Variants in ZNF341 observed in about 807,000 individuals in gnomAD.
ZNF341 encodes the protein zinc finger protein 341.
Under a neutral mutation model 87.7 loss-of-function variants are expected in ZNF341, and 52 were observed. That is an observed-to-expected ratio of 0.59 (90% CI 0.47 to 0.75). The LOEUF (loss-of-function observed/expected upper bound fraction) is 0.75, where lower values mean the gene tolerates loss of function less well. Ranked by LOEUF, ZNF341 falls within the 30% of genes least tolerant of loss-of-function variation. The pLI, the probability that ZNF341 is intolerant of heterozygous loss-of-function variation, is 0.00. For missense variants in ZNF341, 977 were observed against 1,145.9 expected, an observed-to-expected ratio of 0.85 and a Z score of 2.13; for synonymous variants, 459 against 472.7, an observed-to-expected ratio of 0.97 and a Z score of 0.38.
intron 5 of ZNF341, among the ~76,000 whole-genome samples, chr20:33,754,821 G>A (rs758346094): frequency 6.6e-6 from 1 of 152,150 alleles, no homozygotes; most frequent in Non-Finnish European, 1.5e-5. Context: ...CTCAGTCTGC[G>A]CTCCTCTAAA....
At chr20:33,771,625 T>C (rs1464976695) in intron 10 of ZNF341, among the ~76,000 whole-genome samples, 1 of 152,168 alleles carries the variant, frequency 6.6e-6, no homozygotes, top group Non-Finnish European at 1.5e-5. Flanking sequence ...TAATCATTTA[T>C]ATCACTTCAG....
At chr20:33,750,328 C>T (rs2019027040) in intron 4 of ZNF341, among the ~76,000 whole-genome samples, 1 of 152,176 alleles carries the variant, frequency 6.6e-6, no homozygotes, top group Non-Finnish European at 1.5e-5. Context: ...TCTCCCCTTG[C>T]TGTGTCCCTG....
chr20:33,781,081 G>A (rs1330718352), intron 10 of ZNF341, among the ~76,000 whole-genome samples: 2 of 152,140 alleles, frequency 1.3e-5, no homozygotes, highest in South Asian at 2.1e-4. Flanking sequence ...GCAGGGGCAG[G>A]GTGGCCAGCG....
intron 3 of ZNF341, among the ~76,000 whole-genome samples, chr20:33,745,502 G>A (rs2018900274): frequency 6.6e-6 from 1 of 152,046 alleles, no homozygotes; most frequent in Admixed American, 6.6e-5. Context: ...GGGATGGGAG[G>A]TTTTGCCATA....
At chr20:33,753,553 G>A in intron 5 of ZNF341, 130 bp downstream of exon 5, 1 of 1,245,986 alleles carries the variant, frequency 8.0e-7, no homozygotes, top group Non-Finnish European at 1.1e-6. Context: ...CCCGGTCCTG[G>A]CCTTCATGGG....
chr20:33,771,482 G>A (rs1489801525), intron 10 of ZNF341, among the ~76,000 whole-genome samples: 1 of 151,898 alleles, frequency 6.6e-6, no homozygotes, highest in African/African-American at 2.4e-5. Flanking sequence ...CTGGACTCAA[G>A]TGATCCTCCC....
chr20:33,747,358 G>A (rs2018950034), intron 3 of ZNF341, among the ~76,000 whole-genome samples: 1 of 149,638 alleles, frequency 6.7e-6, no homozygotes, highest in Admixed American at 6.6e-5. Context: ...GCTCACGCCT[G>A]TAATCCCAGC....
chr20:33,777,867 C>T (rs962057439), intron 10 of ZNF341, among the ~76,000 whole-genome samples: 5 of 152,062 alleles, frequency 3.3e-5, no homozygotes, highest in East Asian at 1.9e-4. Flanking sequence ...TCTTTGTCTT[C>T]GAGACCTTGA....
chr20:33,755,847 G>A (rs921138092), intron 5 of ZNF341, among the ~76,000 whole-genome samples: 4 of 151,826 alleles, frequency 2.6e-5, no homozygotes, highest in African/African-American at 9.7e-5. Flanking sequence ...TCCTTCCTCG[G>A]CCTGCCAAAG....
intron 4 of ZNF341, among the ~76,000 whole-genome samples, chr20:33,751,164 C>T (rs1486635804): frequency 6.6e-6 from 1 of 152,140 alleles, no homozygotes; most frequent in African/African-American, 2.4e-5. Flanking sequence ...ACATGTAGGT[C>T]ATTGCTGTTT....
chr20:33,783,436 C>A (rs1174877810), intron 11 of ZNF341, among the ~76,000 whole-genome samples: 1 of 152,126 alleles, frequency 6.6e-6, no homozygotes, highest in Non-Finnish European at 1.5e-5. Flanking sequence ...TTGACAGGAG[C>A]AGTGACGCCC....
At chr20:33,780,321 A>G (rs1407743909) in intron 10 of ZNF341, among the ~76,000 whole-genome samples, 1 of 151,614 alleles carries the variant, frequency 6.6e-6, no homozygotes, top group African/African-American at 2.4e-5. Context: ...GAGGTCTGAG[A>G]GGTGGGAGTG....
intron 1 of ZNF341, among the ~76,000 whole-genome samples, chr20:33,733,547 A>T (rs1049268732): frequency 2.5e-4 from 37 of 150,180 alleles, no homozygotes; most frequent in African/African-American, 8.9e-4. Context: ...ATTTTTTTGT[A>T]TTTTTAATAG....
In ZNF341 at chr20:33,753,210, C is replaced by G. The variant is rs1198571133; in HGVS notation, c.528C>G (p.Thr176=). 6.2e-7 allele frequency: 1 copy of G among 1,611,910 alleles called. No individual in the cohort carries two copies. The part of the protein sequence containing the change: ...LNMHSVPSYL[T]QPPPPPPPPP... The stretch of plus-strand genomic sequence containing the variant: ...TGCATTCCGTGCCCAGCTACCTCAC[C>G]CAGCCTCCACCTCCTCCTCCACCTC... Residue 176 remains threonine, a synonymous_variant, in exon 5 of 15, where the codon ACC becomes ACG. Transcript: ENST00000375200.
chr20:33,780,897 G>A (rs987722362), intron 10 of ZNF341, among the ~76,000 whole-genome samples: 1 of 152,048 alleles, frequency 6.6e-6, no homozygotes, highest in Admixed American at 6.6e-5. Context: ...CATAGGGATA[G>A]GGGTCTTGCC....
chr20:33,784,745 G>C (rs952219660), intron 12 of ZNF341, among the ~76,000 whole-genome samples: 7 of 151,868 alleles, frequency 4.6e-5, no homozygotes, highest in Non-Finnish European at 8.8e-5. Context: ...CTCCTGAGTA[G>C]CTGGGATTAC....
In ZNF341 at chr20:33,758,614, G is replaced by A; in HGVS notation, c.938-102G>A. ...CTGTGTATGGGCATAGACTTCCCTG[G>A]GGTATGGATTGTCTGGCTCAGATAC... On this transcript the variant is annotated intron_variant, in intron 6 of 14. Transcript: ENST00000375200. 5.8e-6 allele frequency: 5 copies of A among 866,396 alleles called. No individual in the cohort carries two copies. In the South Asian group the frequency reaches 7.7e-5, roughly 13 times the overall value. 53.7% of individuals were successfully genotyped at this position (866,396 alleles called of 1,614,324 possible). A position where few individuals can be genotyped will look rare whatever the true frequency, so the allele number is the denominator to read the frequency against.
chr20:33,786,774 C>A (rs866827998), intron 12 of ZNF341, among the ~76,000 whole-genome samples: 2 of 143,780 alleles, frequency 1.4e-5, no homozygotes, highest in Admixed American at 1.5e-4. Flanking sequence ...TTGAGACCAG[C>A]CTGGCCAACG....
chr20:33,788,781 C>G (rs754514311), intron 12 of ZNF341, 82 bp from the exon 13 acceptor site: 2 of 1,133,216 alleles, frequency 1.8e-6, no homozygotes, highest in South Asian at 2.6e-5. Flanking sequence ...AGCTGCTCCC[C>G]TGAGGGGCCC....
Sources: gnomAD v4.1 joint callset for allele counts (sites outside exome capture counted in the v4.1 genomes callset) on GRCh38, gnomAD v4.1.1 for gene constraint, MANE v1.5 for transcripts, NCBI Gene and HGNC (gene_info 2026-07-23, HGNC 2026-07-21) for gene names.